Variants in CHAF1A observed in about 807,000 individuals in gnomAD.
CHAF1A encodes the protein chromatin assembly factor 1 subunit A.
A neutral mutation model predicts 93.2 loss-of-function variants in CHAF1A; 5 were observed. That is an observed-to-expected ratio of 0.05 (90% confidence interval 0.03 to 0.11). The LOEUF (loss-of-function observed/expected upper bound fraction) is 0.11, where lower values mean the gene tolerates loss of function less well. Among genes scored for constraint, CHAF1A ranks in the 10% least tolerant of loss-of-function variants. The pLI, the probability that CHAF1A is intolerant of heterozygous loss-of-function variation, is 1.00. For synonymous variants in CHAF1A, 504 were observed against 510.3 expected, an observed-to-expected ratio of 0.99 and a Z score of 0.17; for missense variants, 1,102 against 1,259.9, an observed-to-expected ratio of 0.87 and a Z score of 1.90.
intron 3 of CHAF1A, among the ~76,000 whole-genome samples, chr19:4,417,692 C>T (rs1216107452): frequency 6.6e-6 from 1 of 152,128 alleles, no homozygotes; most frequent in African/African-American, 2.4e-5. Flanking sequence ...AACTCCTGAC[C>T]TCAGGTGATC....
intron 14 of CHAF1A, among the ~76,000 whole-genome samples, 181 bp downstream of exon 14, chr19:4,442,522 A>G (rs889624589): frequency 6.6e-6 from 1 of 152,180 alleles, no homozygotes; most frequent in African/African-American, 2.4e-5. Flanking sequence ...GGTGCTGACC[A>G]TGCCAGGCAT....
chr19:4,445,947 G>A, downstream of CHAF1A: 2 of 1,493,424 alleles, frequency 1.3e-6, no homozygotes, highest in Non-Finnish European at 1.8e-6. Context: ...CAGGCCCCCT[G>A]CTCTGAGAAC....
intron 4 of CHAF1A, among the ~76,000 whole-genome samples, chr19:4,419,723 G>A (rs1305116720): frequency 2.0e-5 from 3 of 152,092 alleles, no homozygotes; most frequent in South Asian, 2.1e-4. Flanking sequence ...GAGCCACCAC[G>A]CCCAGCCTGA....
chr19:4,427,429 T>C (rs1192268784), intron 7 of CHAF1A, among the ~76,000 whole-genome samples: 1 of 142,054 alleles, frequency 7.0e-6, no homozygotes, highest in Non-Finnish European at 1.5e-5. Context: ...GCCTCCCAGG[T>C]TCAAGCAATT....
chr19:4,432,273 A>C, intron 12 of CHAF1A, 66 bp downstream of exon 12: 1 of 1,513,396 alleles, frequency 6.6e-7, no homozygotes, highest in Non-Finnish European at 8.8e-7. Context: ...GGCTGAGGGC[A>C]AGAGTCACAG....
downstream of CHAF1A, chr19:4,447,340 A>AG (rs1428233971): frequency 2.0e-5 from 12 of 596,330 alleles, no homozygotes; most frequent in East Asian, 2.5e-4. Flanking sequence ...GGAGAGGCAG[A>AG]ATTTGTTGAT....
At chr19:4,414,540 T>C (rs1973864489) in intron 3 of CHAF1A, among the ~76,000 whole-genome samples, 1 of 152,254 alleles carries the variant, frequency 6.6e-6, no homozygotes, top group African/African-American at 2.4e-5. Context: ...AAACACCCAG[T>C]ATCATTTTGT....
chr19:4,413,409 G>A (rs1363312576), intron 3 of CHAF1A, among the ~76,000 whole-genome samples: 3 of 152,074 alleles, frequency 2.0e-5, no homozygotes, highest in African/African-American at 4.8e-5. Context: ...TTGCCGTGAC[G>A]TCCAAGCCAC....
At chr19:4,445,981 T>A (rs113460946), downstream of CHAF1A, 1 of 1,528,978 alleles carries the variant, frequency 6.5e-7, no homozygotes, top group African/African-American at 1.4e-5. Flanking sequence ...CCTGGGGGTG[T>A]CTGTGCCGGT....
intron 7 of CHAF1A, among the ~76,000 whole-genome samples, chr19:4,426,036 A>G (rs1335317160): frequency 1.4e-5 from 2 of 138,876 alleles, no homozygotes; most frequent in Non-Finnish European, 3.2e-5. Flanking sequence ...GCCAATTCCT[A>G]TTTTTTTACC....
intron 3 of CHAF1A, among the ~76,000 whole-genome samples, chr19:4,416,596 A>G (rs1973900613): frequency 6.6e-6 from 1 of 152,180 alleles, no homozygotes; most frequent in African/African-American, 2.4e-5. Context: ...TCCACATTCT[A>G]AAAAGCAGAG....
intron 9 of CHAF1A, 33 bp from the exon 10 acceptor site, chr19:4,429,675 A>G (rs2145124731): frequency 6.2e-7 from 1 of 1,613,282 alleles, no homozygotes. Context: ...AGCCCCAAAG[A>G]CAGTTGTGAG....
chr19:4,409,900 TC>T lies in CHAF1A; in HGVS notation c.960+143del. The T allele has an allele frequency of 4.3e-6, 4 of 921,322 alleles. No homozygotes were observed. The South Asian group carries it at 6.8e-5, about 16-fold the overall frequency. 57.1% of individuals were successfully genotyped at this position (921,322 alleles called of 1,614,324 possible). On this transcript the variant is annotated intron_variant, in intron 3 of 14. Transcript: ENST00000301280. ...GTCCTGGGACTCGACGTGGAGTTCTTCCTGGTATCAAAACTCACAGTGTTCA... is the reference window on the plus strand; with the variant it reads ...GTCCTGGGACTCGACGTGGAGTTCTTCTGGTATCAAAACTCACAGTGTTCA...
intron 4 of CHAF1A, 109 bp downstream of exon 4, chr19:4,418,185 C>G (rs939000012): frequency 1.4e-5 from 9 of 646,266 alleles, no homozygotes; most frequent in Admixed American, 3.0e-5. Context: ...TTTTCCCCAG[C>G]CTTCTCTGAC....
chr19:4,408,459 G>T (rs1423953455), intron 2 of CHAF1A, among the ~76,000 whole-genome samples: 2 of 52,322 alleles, frequency 3.8e-5, no homozygotes, highest in East Asian at 1.6e-3. Context: ...CCCGCACCCG[G>T]CCTTTTTTTT....
intron 11 of CHAF1A, 76 bp from the exon 12 acceptor site, chr19:4,431,876 G>A (rs1974188729): frequency 6.5e-7 from 1 of 1,527,174 alleles, no homozygotes; most frequent in Non-Finnish European, 8.8e-7. Context: ...GCTGGCTGGG[G>A]ACTGGTTCCT....
intron 3 of CHAF1A, 36 bp downstream of exon 3, chr19:4,409,795 C>T (rs1318388746): frequency 1.3e-6 from 2 of 1,558,896 alleles, no homozygotes; most frequent in South Asian, 1.2e-5. Context: ...CACATCAGTG[C>T]TCACGGATCT....
chr19:4,443,688 G>T (rs762590971), downstream of CHAF1A, among the ~76,000 whole-genome samples: 6 of 152,200 alleles, frequency 3.9e-5, no homozygotes, highest in Non-Finnish European at 7.3e-5. Flanking sequence ...GAGCTGCTGG[G>T]AGCCGAGTTT....
At chr19:4,412,463 G>A (rs1178008642) in intron 3 of CHAF1A, among the ~76,000 whole-genome samples, 2 of 152,172 alleles carry the variant, frequency 1.3e-5, no homozygotes, top group African/African-American at 4.8e-5. Context: ...AGAACCGCTT[G>A]AACCCAGGAG....
Sources: allele counts gnomAD v4.1 joint callset (sites outside exome capture counted in the v4.1 genomes callset), GRCh38; gene constraint gnomAD v4.1.1; transcripts MANE v1.5; gene names NCBI Gene and HGNC (gene_info 2026-07-23, HGNC 2026-07-21).